Variants in FZD3 observed in about 807,000 individuals in gnomAD.
FZD3 encodes frizzled-3.
In FZD3, 30 loss-of-function variants were observed where a neutral mutation model predicts 60.7. The observed-to-expected ratio is 0.49, with a 90% CI of 0.37 to 0.67. FZD3 has a LOEUF of 0.67. Among genes scored for constraint, FZD3 ranks in the 30% least tolerant of loss-of-function variants. The probability of loss-of-function intolerance (pLI) is 0.00; values close to 1 mark genes in which losing one functional copy is unlikely to be tolerated. For missense variants in FZD3, 605 were observed against 838.7 expected, an observed-to-expected ratio of 0.72 and a Z score of 3.44; for synonymous variants, 246 against 275.2, an observed-to-expected ratio of 0.89 and a Z score of 1.05.
chr8:28,563,654 G>C lies in FZD3; in HGVS notation c.*643G>C, dbSNP rs947287367. ...ATATTCAGGGTTTGGATTAGCAGTG[G>C]AATAAAGAGATGGGCATTGTTTCCC... On this transcript the variant is annotated 3_prime_UTR_variant, in exon 8 of 8. Coordinates refer to ENST00000240093, the MANE Select transcript of FZD3 (RefSeq NM_017412.4). The C allele has an allele frequency of 2.6e-5, 4 of 152,224 alleles. No individual in the cohort carries two copies. The highest frequency in any genetic ancestry group is 1.3e-4 in the Admixed American group (2 of 15,292). 9.4% of individuals were successfully genotyped at this position (152,224 alleles called of 1,614,324 possible).
At chr8:28,495,419 T>G (rs1803818984) in intron 1 of FZD3, among the ~76,000 whole-genome samples, 1 of 152,184 alleles carries the variant, frequency 6.6e-6, no homozygotes, top group Non-Finnish European at 1.5e-5. Flanking sequence ...CAGCCTCATC[T>G]TAGAGAAGTA....
chr8:28,564,648 A>G lies in FZD3; in HGVS notation c.*1637A>G, dbSNP rs965445582. The G allele has an allele frequency of 5.9e-5, 9 of 152,166 alleles. No individual in the cohort carries two copies. Among genetic ancestry groups the G allele is most frequent in the South Asian group, 2.1e-4 (1 of 4,826 alleles). 9.4% of individuals were successfully genotyped at this position (152,166 alleles called of 1,614,324 possible). A position where few individuals can be genotyped will look rare whatever the true frequency, so the allele number is the denominator to read the frequency against. On this transcript the variant is annotated 3_prime_UTR_variant, in exon 8 of 8. Transcript: ENST00000240093. ...GCCAAATTCTGGGCTGTACTCCTAGAGAGACTTACTCAGTAAGGCCAAAGT... is the reference window on the plus strand; with the variant it reads ...GCCAAATTCTGGGCTGTACTCCTAGGGAGACTTACTCAGTAAGGCCAAAGT...
intron 3 of FZD3, among the ~76,000 whole-genome samples, chr8:28,518,871 T>C (rs1585962030): frequency 6.6e-6 from 1 of 152,332 alleles, no homozygotes; most frequent in African/African-American, 2.4e-5. Flanking sequence ...TGTTTGTGCT[T>C]TCCTTCTCTT....
rs919477396 is a variant in FZD3 at position 28,566,555 on chromosome 8, G to C, written c.*3544G>C. The C allele has an allele frequency of 7.2e-5, 11 of 152,076 alleles. No individual in the cohort carries two copies. Among genetic ancestry groups the C allele is most frequent in the African/African-American group, 2.7e-4 (11 of 41,418 alleles). The allele number at this position is 152,076 out of a possible 1,614,324, so 9.4% of individuals were successfully genotyped here. A position where few individuals can be genotyped will look rare whatever the true frequency, so the allele number is the denominator to read the frequency against. ...TAACCTACCTCATCAGTTTCTTTGT[G>C]ATAATAGCTGAAAATAACTCAAACT... On this transcript the variant is annotated 3_prime_UTR_variant, in exon 8 of 8. Transcript: ENST00000240093.
At chr8:28,544,823 T>A (rs1805257662) in intron 5 of FZD3, among the ~76,000 whole-genome samples, 1 of 152,180 alleles carries the variant, frequency 6.6e-6, no homozygotes, top group Non-Finnish European at 1.5e-5. Flanking sequence ...GGGTAATTTT[T>A]AAAGAAAAGG....
chr8:28,496,430 T>C (rs71519695), intron 1 of FZD3, among the ~76,000 whole-genome samples: 1 of 152,192 alleles, frequency 6.6e-6, no homozygotes, highest in Non-Finnish European at 1.5e-5. Flanking sequence ...TTTGTTTTTG[T>C]TTTTGTTCTT....
intron 3 of FZD3, among the ~76,000 whole-genome samples, chr8:28,518,222 CTTT>C (rs59741658): frequency 7.4e-6 from 1 of 135,874 alleles, no homozygotes; most frequent in Non-Finnish European, 1.6e-5. Context: ...CCATGCCTGG[CTTT>C]TTTTTTTTTT....
At chr8:28,519,709 G>A (rs1471358413) in intron 3 of FZD3, among the ~76,000 whole-genome samples, 1 of 144,088 alleles carries the variant, frequency 6.9e-6, no homozygotes, top group Non-Finnish European at 1.5e-5. Flanking sequence ...TGGCCTGGGT[G>A]ACAGAGCGAG....
At chr8:28,543,394 T>G (rs536110213) in intron 5 of FZD3, among the ~76,000 whole-genome samples, 44 of 152,250 alleles carry the variant, frequency 2.9e-4, no homozygotes, top group South Asian at 1.9e-3. Flanking sequence ...TTTTGTTTTT[T>G]TTTTGAGATG....
intron 3 of FZD3, among the ~76,000 whole-genome samples, chr8:28,515,975 G>T (rs1351619663): frequency 6.6e-6 from 1 of 152,092 alleles, no homozygotes; most frequent in Non-Finnish European, 1.5e-5. Context: ...AGAAACCACT[G>T]CTAAATCCAA....
intron 3 of FZD3, among the ~76,000 whole-genome samples, chr8:28,505,709 G>A (rs1340692058): frequency 1.3e-5 from 2 of 152,212 alleles, no homozygotes; most frequent in African/African-American, 2.4e-5. Flanking sequence ...ACAATGGTAT[G>A]TGGGCAGTAA....
At chr8:28,529,962 T>C (rs1250160974) in intron 5 of FZD3, among the ~76,000 whole-genome samples, 2 of 152,160 alleles carry the variant, frequency 1.3e-5, no homozygotes, top group African/African-American at 4.8e-5. Flanking sequence ...CATGAAATAA[T>C]GGTCTTAAAA....
rs368449234 is a variant in FZD3, at chr8:28,559,909, G to C, written c.1788-2889G>C. ...CTTTGCTGGATAATTATTGATCTCTGTGCTATATAAAACAAAATAGGCTGA... is the reference window on the plus strand; with the variant it reads ...CTTTGCTGGATAATTATTGATCTCTCTGCTATATAAAACAAAATAGGCTGA... On this transcript the variant is annotated intron_variant, in intron 7 of 7. Coordinates refer to ENST00000240093, the MANE Select transcript of FZD3 (RefSeq NM_017412.4). Among the ~76,000 whole-genome samples the C allele has an allele frequency of 3.3e-5, 5 of 152,210 alleles. No individual in the cohort carries two copies. The South Asian group carries it at 1.0e-3, about 32-fold the overall frequency.
chr8:28,506,772 T>C (rs975033417), intron 3 of FZD3, among the ~76,000 whole-genome samples: 18 of 152,328 alleles, frequency 1.2e-4, no homozygotes, highest in African/African-American at 4.3e-4. Context: ...GAACATCCTG[T>C]ATCTTTTATG....
At chr8:28,559,567 C>G (rs1252495867) in intron 7 of FZD3, among the ~76,000 whole-genome samples, 1 of 152,080 alleles carries the variant, frequency 6.6e-6, no homozygotes, top group Non-Finnish European at 1.5e-5. Flanking sequence ...CCCAGAAATG[C>G]AAGAGCCAGA....
At chr8:28,556,003 T>G (rs778037709) in intron 7 of FZD3, 32 bp downstream of exon 7, 2 of 1,333,042 alleles carry the variant, frequency 1.5e-6, no homozygotes, top group South Asian at 2.4e-5. Flanking sequence ...GTTTATTTCA[T>G]AAGCTGAATT....
At chr8:28,540,002 TG>T (rs1341711684) in intron 5 of FZD3, among the ~76,000 whole-genome samples, 9 of 152,078 alleles carry the variant, frequency 5.9e-5, no homozygotes, top group African/African-American at 1.9e-4. Flanking sequence ...CGCAGGTAAA[TG>T]GTTTTTATAT....
intron 4 of FZD3, among the ~76,000 whole-genome samples, chr8:28,525,873 A>G (rs991153251): frequency 1.3e-5 from 2 of 149,980 alleles, no homozygotes; most frequent in Non-Finnish European, 3.0e-5. Flanking sequence ...TTCTTGATAT[A>G]TTACAAAGTA....
rs1229210082 is a variant in FZD3 at position 28,564,973 on chromosome 8, AT to A, written c.*1964del. 6.6e-6 allele frequency: 1 copy of A among 152,160 alleles called. No homozygotes were observed. The highest frequency in any genetic ancestry group is 2.4e-5 in the African/African-American group (1 of 41,434). 9.4% of individuals were successfully genotyped at this position (152,160 alleles called of 1,614,324 possible). A position where few individuals can be genotyped will look rare whatever the true frequency, so the allele number is the denominator to read the frequency against. Reference sequence around the variant, plus strand: ...TGTAAAGCATTATGAATGATAAGGGATTAGGTTATTGTGGATTTAAGAGGTG... The same window carrying A: ...TGTAAAGCATTATGAATGATAAGGGATAGGTTATTGTGGATTTAAGAGGTG... On this transcript the variant is annotated 3_prime_UTR_variant, in exon 8 of 8. Coordinates refer to ENST00000240093, the MANE Select transcript of FZD3 (RefSeq NM_017412.4).
Sources: allele counts gnomAD v4.1 joint callset (sites outside exome capture counted in the v4.1 genomes callset), GRCh38; gene constraint gnomAD v4.1.1; transcripts MANE v1.5; gene names NCBI Gene and HGNC (gene_info 2026-07-23, HGNC 2026-07-21).